RANBP2: variants seen among roughly 807,000 people sequenced by gnomAD.
The protein encoded by RANBP2 is RAN binding protein 2.
RANBP2 carries 57 observed loss-of-function variants against 303.6 expected under a neutral mutation model. The observed-to-expected ratio is 0.19, with a 90% confidence interval of 0.15 to 0.23. The LOEUF is 0.23. RANBP2 is among the 10% of genes least tolerant of loss of function. RANBP2 has a pLI of 1.00. For synonymous variants in RANBP2, 1,167 were observed against 1,301.5 expected (o/e 0.90, Z 2.23); for missense variants, 3,138 against 3,780.8 (o/e 0.83, Z 4.46).
chr2:109,221,581 CAAAAAAA>C, the RANBP2 span, among the ~76,000 whole-genome samples: 3 of 63,346 alleles, frequency 4.7e-5, no homozygotes, highest in Admixed American at 1.6e-4. Flanking sequence ...GACTCCATCT[CAAAAAAA>C]AAAAAAAAAA....
At chr2:109,197,661 T>C in the RANBP2 span, among the ~76,000 whole-genome samples, 1 of 152,214 alleles carries the variant, frequency 6.6e-6, no homozygotes, top group African/African-American at 2.4e-5. Flanking sequence ...ATTTGTGTTT[T>C]GTGAGATGTG....
chr2:109,662,241 A>G, the RANBP2 span, among the ~76,000 whole-genome samples: 1 of 152,122 alleles, frequency 6.6e-6, no homozygotes, highest in African/African-American at 2.4e-5. Flanking sequence ...CCTGCATTGC[A>G]GTCTGAAAGA....
Position 108,772,566 on chromosome 2 carries a change from G to A in RANBP2, c.8098G>A (p.Glu2700Lys), listed in dbSNP as rs1479884674. 1.9e-6 allele frequency: 3 copies of A among 1,613,692 alleles called. No homozygotes were observed. Among genetic ancestry groups the A allele is most frequent in the Non-Finnish European group, 1.7e-6 (2 of 1,179,750 alleles). Reference protein sequence around the residue: ...LDGSEKCRPLEENTADNEKEC... With the variant: ...LDGSEKCRPLKENTADNEKEC... The stretch of plus-strand genomic sequence containing the variant: ...TGGCTCAGAAAAATGTAGACCCTTG[G>A]AAGAAAATACAGCAGGTATGTTAAG... Residue 2700 changes from glutamate to lysine, a missense_variant, in exon 22 of 29, where the codon GAA (glutamate) becomes AAA (lysine). Glu to Lys is a moderately conservative substitution (Grantham distance 56). Coordinates refer to ENST00000283195, the MANE Select transcript of RANBP2 (RefSeq NM_006267.5).
Position 108,767,167 on chromosome 2 carries a change from A to G in RANBP2, c.6628A>G (p.Thr2210Ala), listed in dbSNP as rs747463579. Residue 2210 changes from threonine (T) to alanine (A), a missense_variant, in exon 20 of 29, where the codon ACA (threonine) becomes GCA (alanine). Coordinates refer to ENST00000283195, the MANE Select transcript of RANBP2 (RefSeq NM_006267.5). ...AGGTGCGGCCGGTGCCTCAGACACA[A>G]CAATAAAACCCAATCCTGAAAACAC... ...GTGAAGASDT[T>A]IKPNPENTGP... 14 of 1,612,072 alleles carry G rather than the reference A, an allele frequency of 8.7e-6. No individual in the cohort carries two copies. The South Asian group carries it at 1.3e-4, about 15-fold the overall frequency.
At chr2:109,677,842 T>C in the RANBP2 span, among the ~76,000 whole-genome samples, 1 of 152,232 alleles carries the variant, frequency 6.6e-6, no homozygotes, top group Non-Finnish European at 1.5e-5. Context: ...TGTTTCTGTG[T>C]CTTACTCTAA....
the RANBP2 span, chr2:109,398,523 T>C: frequency 2.9e-3 from 4,023 of 1,365,916 alleles, 94 homozygotes; most frequent in African/African-American, 0.05. Context: ...GCCTGGAGAG[T>C]GCAGAGGGCT....
chr2:109,454,190 AATACT>A, the RANBP2 span, among the ~76,000 whole-genome samples: 1 of 152,218 alleles, frequency 6.6e-6, no homozygotes, highest in East Asian at 1.9e-4. Flanking sequence ...AATAGGAGGA[AATACT>A]TACAACAATT....
At chr2:109,003,624 T>C in the RANBP2 span, among the ~76,000 whole-genome samples, 1 of 152,108 alleles carries the variant, frequency 6.6e-6, no homozygotes, top group Admixed American at 6.5e-5. Flanking sequence ...TTGCTCAGGC[T>C]GGTCTTGAAC....
At chr2:108,941,048 C>G in the RANBP2 span, among the ~76,000 whole-genome samples, 1 of 152,186 alleles carries the variant, frequency 6.6e-6, no homozygotes, top group African/African-American at 2.4e-5. Context: ...CACCGGTCAT[C>G]ACTATAAATT....
the RANBP2 span, among the ~76,000 whole-genome samples, chr2:109,572,717 A>G: frequency 1.3e-5 from 2 of 150,308 alleles, no homozygotes; most frequent in African/African-American, 4.9e-5. Context: ...CCTGGGTTCA[A>G]GCAATTCTCC....
chr2:109,716,043 C>T, the RANBP2 span, among the ~76,000 whole-genome samples: 1 of 151,964 alleles, frequency 6.6e-6, no homozygotes, highest in Non-Finnish European at 1.5e-5. Context: ...GAGAAAGGTA[C>T]ACCTTTCCCC....
At chr2:109,661,328 C>T in the RANBP2 span, among the ~76,000 whole-genome samples, 4 of 151,850 alleles carry the variant, frequency 2.6e-5, no homozygotes, top group African/African-American at 9.7e-5. Flanking sequence ...CTCACTGCAA[C>T]CTCCACCTCC....
the RANBP2 span, among the ~76,000 whole-genome samples, chr2:108,939,221 A>T: frequency 6.6e-6 from 1 of 151,970 alleles, no homozygotes; most frequent in Non-Finnish European, 1.5e-5. Context: ...TCTGTCACCC[A>T]GGCTACAGTG....
the RANBP2 span, among the ~76,000 whole-genome samples, chr2:109,535,870 AAG>A: frequency 6.6e-6 from 1 of 152,148 alleles, no homozygotes; most frequent in African/African-American, 2.4e-5. Flanking sequence ...ATTTAGGGAG[AAG>A]AGAGTCTTTG....
intron 18 of RANBP2, among the ~76,000 whole-genome samples, chr2:108,759,569 A>T (rs1031871316): frequency 2.6e-5 from 4 of 152,312 alleles, no homozygotes; most frequent in African/African-American, 7.2e-5. Context: ...GATGGTTCAT[A>T]TAGTTAAGGC....
the RANBP2 span, chr2:108,929,158 A>C: frequency 6.2e-7 from 1 of 1,612,684 alleles, no homozygotes; most frequent in Non-Finnish European, 8.5e-7. Context: ...GGTTTTCTGC[A>C]GAAAGCATGC....
the RANBP2 span, among the ~76,000 whole-genome samples, chr2:109,372,884 T>C: frequency 2.6e-5 from 4 of 152,234 alleles, no homozygotes; most frequent in Non-Finnish European, 5.9e-5. Flanking sequence ...AGTGTGCAGA[T>C]ACTTAAAGAT....
At chr2:109,078,265 CGCGTATAT>C in the RANBP2 span, among the ~76,000 whole-genome samples, 11 of 13,336 alleles carry the variant, frequency 8.2e-4, 3 homozygotes, top group South Asian at 0.012. Flanking sequence ...ATATATATAG[CGCGTATAT>C]ATATATATAT....
At chr2:109,213,963 T>C in the RANBP2 span, among the ~76,000 whole-genome samples, 1 of 152,076 alleles carries the variant, frequency 6.6e-6, no homozygotes, top group African/African-American at 2.4e-5. Context: ...CCTGGAGCAG[T>C]CCCTGCAAAA....
Sources: gnomAD v4.1 joint callset for allele counts (sites outside exome capture counted in the v4.1 genomes callset) on GRCh38, gnomAD v4.1.1 for gene constraint, MANE v1.5 for transcripts, NCBI Gene and HGNC (gene_info 2026-07-23, HGNC 2026-07-21) for gene names.